Variants in GABRB1 observed in about 807,000 individuals in gnomAD.
The protein encoded by GABRB1 is gamma-aminobutyric acid type A receptor subunit beta1.
In GABRB1, 17 loss-of-function variants were observed where a neutral mutation model predicts 51.6. That is an observed-to-expected ratio of 0.33 (90% CI 0.23 to 0.49). The LOEUF is 0.49. Ranked by LOEUF, GABRB1 falls within the 20% of genes least tolerant of loss-of-function variation. The pLI, the probability that GABRB1 is intolerant of heterozygous loss-of-function variation, is 0.99. For missense variants in GABRB1, 410 were observed against 600.6 expected, an observed-to-expected ratio of 0.68 and a Z score of 3.32; for synonymous variants, 247 against 218.9, an observed-to-expected ratio of 1.13 and a Z score of -1.14.
chr4:47,182,006 G>A (rs1017599735), intron 4 of GABRB1, among the ~76,000 whole-genome samples: 4 of 152,002 alleles, frequency 2.6e-5, no homozygotes, highest in Non-Finnish European at 5.9e-5. Flanking sequence ...GTATGGTGTA[G>A]TGTTGTGGCC....
chr4:47,043,549 A>T (rs78923595), intron 3 of GABRB1, among the ~76,000 whole-genome samples: 4,865 of 152,130 alleles, frequency 0.032, 362 homozygotes, highest in Admixed American at 0.15. Context: ...TTGCATAGTC[A>T]CTGTTCTGCT....
intron 5 of GABRB1, among the ~76,000 whole-genome samples, chr4:47,354,148 A>G (rs1326125139): frequency 6.6e-6 from 1 of 152,184 alleles, no homozygotes; most frequent in Non-Finnish European, 1.5e-5. Context: ...CAATTAGGGG[A>G]GAAATACGTA....
intron 3 of GABRB1, among the ~76,000 whole-genome samples, chr4:47,093,738 T>G (rs1356994525): frequency 6.6e-6 from 1 of 152,144 alleles, no homozygotes; most frequent in Non-Finnish European, 1.5e-5. Flanking sequence ...CATTGAAAAT[T>G]TAAGAGTTGA....
At chr4:47,121,176 G>A (rs1168108566) in intron 3 of GABRB1, among the ~76,000 whole-genome samples, 3 of 152,120 alleles carry the variant, frequency 2.0e-5, no homozygotes, top group Non-Finnish European at 1.5e-5. Context: ...CACTCCTCTG[G>A]CTAGGGCTCA....
intron 3 of GABRB1, among the ~76,000 whole-genome samples, chr4:47,059,374 A>C (rs1281184414): frequency 6.6e-6 from 1 of 152,110 alleles, no homozygotes; most frequent in Non-Finnish European, 1.5e-5. Flanking sequence ...GTCTTGTTAC[A>C]TTGCCTAGGC....
intron 5 of GABRB1, among the ~76,000 whole-genome samples, chr4:47,396,232 C>A (rs1728177145): frequency 1.3e-5 from 2 of 152,142 alleles, no homozygotes; most frequent in East Asian, 1.9e-4. Flanking sequence ...AGAATGAGAG[C>A]CAAGGGAAAT....
At chr4:47,251,782 C>T (rs1163479755) in intron 4 of GABRB1, among the ~76,000 whole-genome samples, 2 of 152,108 alleles carry the variant, frequency 1.3e-5, no homozygotes, top group Non-Finnish European at 2.9e-5. Flanking sequence ...GGAAAGCTGG[C>T]AATCACAGAC....
intron 4 of GABRB1, among the ~76,000 whole-genome samples, chr4:47,192,837 T>C (rs1006398467): frequency 3.3e-5 from 5 of 152,220 alleles, no homozygotes; most frequent in African/African-American, 4.8e-5. Flanking sequence ...AGGCACTTTT[T>C]AAAATTATTT....
At chr4:47,146,720 A>T (rs902395790) in intron 3 of GABRB1, among the ~76,000 whole-genome samples, 2 of 152,124 alleles carry the variant, frequency 1.3e-5, no homozygotes, top group Non-Finnish European at 2.9e-5. Flanking sequence ...TTTGCTAGAC[A>T]GAAGAGCTCA....
intron 3 of GABRB1, among the ~76,000 whole-genome samples, chr4:47,111,342 T>A (rs1715201033): frequency 6.6e-6 from 1 of 152,008 alleles, no homozygotes; most frequent in Admixed American, 6.6e-5. Flanking sequence ...AAAACAGAAA[T>A]GTAAATTTGC....
rs562329816 is a variant in GABRB1, at chr4:47,087,553, T to A, written c.240+55069T>A. Among the ~76,000 whole-genome samples, 991 of 151,898 alleles carry A rather than the reference T, an allele frequency of 6.5e-3. 10 individuals carry two copies. The highest frequency in any genetic ancestry group is 0.022 in the African/African-American group (902 of 41,430). ...CCGTTAGCACTTTCTTTTTTTTTTT[T>A]TTATTATACTTTAAGTTTTATTTTT... is the stretch of plus-strand genomic sequence containing the variant. On this transcript the variant is annotated intron_variant, in intron 3 of 8. Transcript: ENST00000295454.
chr4:47,269,414 A>G (rs1722767474), intron 4 of GABRB1, among the ~76,000 whole-genome samples: 1 of 152,210 alleles, frequency 6.6e-6, no homozygotes, highest in African/African-American at 2.4e-5. Flanking sequence ...ATTGGAGCTA[A>G]TTAAATAATG....
Position 47,158,824 on chromosome 4 carries a change from C to A in GABRB1, c.241-2425C>A, listed in dbSNP as rs76739944. Among the ~76,000 whole-genome samples the A allele has an allele frequency of 5.3e-3, 801 of 152,124 alleles. 7 individuals are homozygous for A. Among genetic ancestry groups the A allele is most frequent in the African/African-American group, 0.019 (775 of 41,532 alleles). Reference sequence around the variant, plus strand: ...AGAAATGCTTATGAAAATGAGCATACACACTCTATTTGGAAGTGTAATACT... The same window carrying A: ...AGAAATGCTTATGAAAATGAGCATAAACACTCTATTTGGAAGTGTAATACT... On this transcript the variant is annotated intron_variant, in intron 3 of 8. Coordinates refer to ENST00000295454, the MANE Select transcript of GABRB1 (RefSeq NM_000812.4).
intron 3 of GABRB1, among the ~76,000 whole-genome samples, chr4:47,130,364 TGTGTGTGTG>T (rs1190474326): frequency 2.0e-5 from 3 of 146,514 alleles, no homozygotes; most frequent in African/African-American, 7.4e-5. Context: ...TGTGTGTGTG[TGTGTGTGTG>T]TGTGTGCTTT....
intron 8 of GABRB1, among the ~76,000 whole-genome samples, chr4:47,413,629 C>A (rs1478438022): frequency 2.0e-5 from 3 of 152,212 alleles, no homozygotes; most frequent in Admixed American, 6.5e-5. Context: ...TGGTCCCAGA[C>A]AATTTTCATT....
chr4:47,189,205 A>C (rs1177385509), intron 4 of GABRB1, among the ~76,000 whole-genome samples: 1 of 151,918 alleles, frequency 6.6e-6, no homozygotes, highest in African/African-American at 2.4e-5. Context: ...GGAAACAGCT[A>C]CCAGGGCAAT....
chr4:47,037,973 C>T (rs78650150), intron 3 of GABRB1, among the ~76,000 whole-genome samples: 7 of 152,264 alleles, frequency 4.6e-5, no homozygotes, highest in Non-Finnish European at 1.0e-4. Flanking sequence ...TAGCCTAGGA[C>T]TTTGAGTGAG....
At chr4:47,279,668 A>AT (rs536861458) in intron 4 of GABRB1, among the ~76,000 whole-genome samples, 20 of 151,266 alleles carry the variant, frequency 1.3e-4, no homozygotes, top group African/African-American at 3.2e-4. Context: ...CCTTCTTTGT[A>AT]TTTTTTTTAC....
rs566541024 is a variant in GABRB1 at position 47,121,380 on chromosome 4, T to C, written c.241-39869T>C. ...ATCGGAAAATCAAGACTGTCTTTAC[T>C]ACTCTCTTCAGTGTCTCTTTCAGCG... On this transcript the variant is annotated intron_variant, in intron 3 of 8. Transcript: ENST00000295454. Among the ~76,000 whole-genome samples the C allele has an allele frequency of 5.3e-5, 8 of 152,318 alleles. No homozygotes were observed. In the East Asian group the frequency reaches 1.5e-3, roughly 29 times the overall value.
Sources: allele counts gnomAD v4.1 joint callset (sites outside exome capture counted in the v4.1 genomes callset), GRCh38; gene constraint gnomAD v4.1.1; transcripts MANE v1.5; gene names NCBI Gene and HGNC (gene_info 2026-07-23, HGNC 2026-07-21).